HUNK: variants seen among roughly 807,000 people sequenced by gnomAD.
The protein encoded by HUNK is hormonally up-regulated neu tumor-associated kinase.
A neutral mutation model predicts 61.0 loss-of-function variants in HUNK; 21 were observed. The observed-to-expected ratio is 0.34, with a 90% confidence interval of 0.24 to 0.50. HUNK has a LOEUF of 0.50. HUNK is among the 20% of genes least tolerant of loss of function. The pLI, the probability that HUNK is intolerant of heterozygous loss-of-function variation, is 0.98. For missense variants in HUNK, 772 were observed against 945.7 expected (o/e 0.82, Z 2.41); for synonymous variants, 371 against 386.1 (o/e 0.96, Z 0.46).
Position 31,902,336 on chromosome 21 carries a change from C to A in HUNK, c.262-22132C>A, listed in dbSNP as rs140493411. Among the ~76,000 whole-genome samples, 17 of 152,250 alleles carry A rather than the reference C, an allele frequency of 1.1e-4. No homozygotes were observed. In the East Asian group the frequency reaches 3.1e-3, roughly 28 times the overall value. On this transcript the variant is annotated intron_variant, in intron 1 of 10. Transcript: ENST00000270112. Reference sequence around the variant, plus strand: ...GAGCAGCCTGACCAACATGGAGAAACCCCATCTCTACTAAACATACAAAAT... The same window carrying A: ...GAGCAGCCTGACCAACATGGAGAAAACCCATCTCTACTAAACATACAAAAT...
In HUNK at chr21:31,931,068, CAAAAAAAAAA is replaced by C. The variant is rs10673838; in HGVS notation, c.554+6322_554+6331del. On this transcript the variant is annotated intron_variant, in intron 2 of 10. Transcript: ENST00000270112. ...AGTGCTTTTGAAGATAAGACCTAAC[CAAAAAAAAAA>C]AAAAAAAAAAAAATCATGTTCCCTG... Among the ~76,000 whole-genome samples, 18 of 75,154 alleles carry C rather than the reference CAAAAAAAAAA, an allele frequency of 2.4e-4. No homozygotes were observed. In the Middle Eastern group the frequency reaches 0.027, roughly 112 times the overall value. 49.3% of individuals were successfully genotyped at this position (75,154 alleles called of 152,430 possible). A position where few individuals can be genotyped will look rare whatever the true frequency, so the allele number is the denominator to read the frequency against.
chr21:31,877,984 CGTG>C (rs952901299), intron 1 of HUNK, among the ~76,000 whole-genome samples: 5 of 152,126 alleles, frequency 3.3e-5, no homozygotes, highest in African/African-American at 1.2e-4. Flanking sequence ...ACAGGACAGA[CGTG>C]GTGGCTCATG....
chr21:31,931,687 G>A (rs914915211), intron 2 of HUNK, among the ~76,000 whole-genome samples: 1 of 152,090 alleles, frequency 6.6e-6, no homozygotes, highest in African/African-American at 2.4e-5. Context: ...CACTGGTTCT[G>A]CCACGTCTCA....
In HUNK at chr21:31,995,892, A is replaced by C; in HGVS notation, c.1430A>C (p.Asn477Thr). Residue 477 changes from asparagine to threonine, a missense_variant, in exon 10 of 11, where the codon AAC becomes ACC. By Grantham distance (65) the Asn-to-Thr change is moderately conservative. Around this residue, in one of 2 missense-constraint regions of HUNK, gnomAD observed 413 missense variants for 444.4 expected, o/e 0.93. Transcript: ENST00000270112. ...PSGSLMTQIQNTKALLKDRKA... is the reference protein window; with the variant it reads ...PSGSLMTQIQTTKALLKDRKA... ...GGCTCGCTTATGACACAGATTCAGA[A>C]CACCAAAGCCCTCCTGAAGGACCGG... is the stretch of plus-strand genomic sequence containing the variant. The C allele has an allele frequency of 6.2e-7, 1 of 1,614,146 alleles. No homozygotes were observed. The highest frequency in any genetic ancestry group is 8.5e-7 in the Non-Finnish European group (1 of 1,180,002).
At chr21:31,963,807 A>G (rs1601400885) in intron 5 of HUNK, among the ~76,000 whole-genome samples, 1 of 152,266 alleles carries the variant, frequency 6.6e-6, no homozygotes, top group African/African-American at 2.4e-5. Context: ...TGTCACTCAT[A>G]TATGTAATGA....
At chr21:31,943,426 T>C (rs1270432685) in intron 3 of HUNK, among the ~76,000 whole-genome samples, 1 of 152,198 alleles carries the variant, frequency 6.6e-6, no homozygotes, top group Admixed American at 6.5e-5. Flanking sequence ...CCAAACCTAA[T>C]TGAGACAGAC....
chr21:31,892,596 A>G (rs890678790), intron 1 of HUNK, among the ~76,000 whole-genome samples: 2 of 151,588 alleles, frequency 1.3e-5, no homozygotes, highest in South Asian at 4.2e-4. Flanking sequence ...AAGGAAAGAA[A>G]GAAAAAAAAA....
chr21:31,892,452 C>G (rs1333805341), intron 1 of HUNK, among the ~76,000 whole-genome samples: 2 of 151,144 alleles, frequency 1.3e-5, no homozygotes, highest in African/African-American at 2.4e-5. Flanking sequence ...TGCCTGTAGT[C>G]CCAGCTACTT....
At chr21:31,887,633 T>A (rs990580332) in intron 1 of HUNK, among the ~76,000 whole-genome samples, 5 of 152,214 alleles carry the variant, frequency 3.3e-5, no homozygotes, top group African/African-American at 1.2e-4. Context: ...GTGACGCTCC[T>A]CTCTTTGTCA....
At chr21:31,883,383 A>G (rs34750510) in intron 1 of HUNK, among the ~76,000 whole-genome samples, 65,030 of 151,870 alleles carry the variant, frequency 0.43, 14,204 homozygotes, top group Middle Eastern at 0.52. Flanking sequence ...TTACATGGGA[A>G]TTGAGTATAT....
chr21:31,990,255 ATT>A, intron 9 of HUNK, 79 bp downstream of exon 9: 1 of 1,291,544 alleles, frequency 7.7e-7, no homozygotes, highest in Non-Finnish European at 1.1e-6. Flanking sequence ...AGAGAGAGAG[ATT>A]GAGACTGAGA....
At chr21:31,969,470 C>T (rs73354639) in intron 6 of HUNK, among the ~76,000 whole-genome samples, 3 of 152,194 alleles carry the variant, frequency 2.0e-5, no homozygotes, top group Non-Finnish European at 2.9e-5. Flanking sequence ...AGCTTGCAGA[C>T]AGGAACCCAC....
Position 32,000,557 on chromosome 21 carries a change from A to T in HUNK, c.*1373A>T, listed in dbSNP as rs946195241. On this transcript the variant is annotated 3_prime_UTR_variant, in exon 11 of 11. Coordinates refer to ENST00000270112, the MANE Select transcript of HUNK (RefSeq NM_014586.2). ...CATCAGCACAGGTTGGATAGGGGTT[A>T]GTGTAGGAGACCAGTTACAGAATGG... is the stretch of plus-strand genomic sequence containing the variant. 1 of 399,070 alleles carries T rather than the reference A, an allele frequency of 2.5e-6. No individual in the cohort carries two copies. The allele number at this position is 399,070 out of a possible 1,614,324, so 24.7% of individuals were successfully genotyped here. A position where few individuals can be genotyped will look rare whatever the true frequency, so the allele number is the denominator to read the frequency against.
chr21:31,979,042 C>G (rs1415646574), intron 7 of HUNK, among the ~76,000 whole-genome samples: 2 of 151,700 alleles, frequency 1.3e-5, no homozygotes, highest in Non-Finnish European at 2.9e-5. Context: ...GAGGCAGTAT[C>G]TCATTGTAGC....
intron 1 of HUNK, among the ~76,000 whole-genome samples, chr21:31,877,982 G>C (rs1224700674): frequency 3.9e-5 from 6 of 152,344 alleles, no homozygotes; most frequent in African/African-American, 1.4e-4. Flanking sequence ...AAACAGGACA[G>C]ACGTGGTGGC....
At chr21:31,906,509 A>G (rs2052506595) in intron 1 of HUNK, among the ~76,000 whole-genome samples, 1 of 152,154 alleles carries the variant, frequency 6.6e-6, no homozygotes, top group South Asian at 2.1e-4. Context: ...ATCTCAGCTC[A>G]CTGCAACCTC....
At chr21:31,925,986 A>G (rs771999972) in intron 2 of HUNK, among the ~76,000 whole-genome samples, 14 of 151,664 alleles carry the variant, frequency 9.2e-5, no homozygotes, top group Admixed American at 2.0e-4. Flanking sequence ...CAATGGCGCA[A>G]TCTTGGCTCA....
At chr21:31,904,824 G>A (rs1348898180) in intron 1 of HUNK, among the ~76,000 whole-genome samples, 2 of 152,196 alleles carry the variant, frequency 1.3e-5, no homozygotes, top group African/African-American at 2.4e-5. Flanking sequence ...GGATGTGGTG[G>A]CTCATGCCTG....
At chr21:31,917,745 CA>C (rs1204374753) in intron 1 of HUNK, among the ~76,000 whole-genome samples, 249 of 147,784 alleles carry the variant, frequency 1.7e-3, no homozygotes, top group Admixed American at 2.8e-3. Context: ...CACACACACA[CA>C]CACACACACA....
Sources: allele counts gnomAD v4.1 joint callset (sites outside exome capture counted in the v4.1 genomes callset), GRCh38; gene constraint gnomAD v4.1.1; regional missense constraint gnomAD v4.1.1; transcripts MANE v1.5; gene names NCBI Gene and HGNC (gene_info 2026-07-23, HGNC 2026-07-21).